Variants in GRID1 observed in about 807,000 individuals in gnomAD.
GRID1 encodes the protein glutamate receptor ionotropic, delta-1.
Under a neutral mutation model 98.0 loss-of-function variants are expected in GRID1, and 28 were observed. The observed-to-expected ratio is 0.29, with a 90% CI of 0.21 to 0.39. The LOEUF (loss-of-function observed/expected upper bound fraction) is 0.39, where lower values mean the gene tolerates loss of function less well. Among genes scored for constraint, GRID1 ranks in the 10% least tolerant of loss-of-function variants. The pLI is 1.00. For synonymous variants in GRID1, 553 were observed against 538.5 expected (o/e 1.03, Z -0.37); for missense variants, 1,111 against 1,340.5 (o/e 0.83, Z 2.67).
At chr10:86,356,016 C>G (rs1848529580) in intron 2 of GRID1, among the ~76,000 whole-genome samples, 1 of 152,212 alleles carries the variant, frequency 6.6e-6, no homozygotes, top group South Asian at 2.1e-4. Flanking sequence ...CTGTCGGTGG[C>G]TGGGCAGAGA....
chr10:86,235,749 T>C (rs1027088117), intron 2 of GRID1, among the ~76,000 whole-genome samples: 1 of 152,258 alleles, frequency 6.6e-6, no homozygotes, highest in African/African-American at 2.4e-5. Flanking sequence ...CTGAGTAGTA[T>C]TCCACTGAAT....
intron 4 of GRID1, among the ~76,000 whole-genome samples, chr10:85,991,486 G>C (rs768380179): frequency 5.9e-5 from 9 of 152,092 alleles, no homozygotes; most frequent in Admixed American, 2.0e-4. Flanking sequence ...CACCAAGAAA[G>C]GAGGGAAGAG....
At chr10:86,274,052 T>C (rs1216320861) in intron 2 of GRID1, among the ~76,000 whole-genome samples, 2 of 152,202 alleles carry the variant, frequency 1.3e-5, no homozygotes, top group Non-Finnish European at 2.9e-5. Context: ...GTAGGTCTAA[T>C]GTTTAAGTAT....
intron 4 of GRID1, among the ~76,000 whole-genome samples, chr10:85,929,031 T>C (rs779520326): frequency 2.0e-5 from 3 of 152,332 alleles, no homozygotes; most frequent in East Asian, 1.9e-4. Flanking sequence ...GGGAGATAGA[T>C]AGACAAGACT....
rs539330152 is a variant in GRID1, at chr10:86,254,933, G to A, written c.236-48285C>T. ...GGGGAAAACCTCCAGGACTCAGGAA[G>A]CACAGATAAGGACCAGCCCCTGGAG... is the stretch of plus-strand genomic sequence containing the variant. On this transcript the variant is annotated intron_variant, in intron 2 of 15. Coordinates refer to ENST00000327946, the MANE Select transcript of GRID1 (RefSeq NM_017551.3). Among the ~76,000 whole-genome samples the A allele has an allele frequency of 1.9e-4, 29 of 152,346 alleles. No homozygotes were observed. The South Asian group carries it at 5.4e-3, about 28-fold the overall frequency.
At chr10:86,196,926 G>A (rs1465282734) in intron 3 of GRID1, among the ~76,000 whole-genome samples, 1 of 151,780 alleles carries the variant, frequency 6.6e-6, no homozygotes, top group Non-Finnish European at 1.5e-5. Context: ...GCCAATAAAT[G>A]GGCAATGAAA....
At chr10:85,744,298 T>C (rs1178395453) in intron 8 of GRID1, among the ~76,000 whole-genome samples, 1 of 152,182 alleles carries the variant, frequency 6.6e-6, no homozygotes, top group African/African-American at 2.4e-5. Flanking sequence ...AAGAAGAGAC[T>C]GTCAGAAATA....
intron 8 of GRID1, among the ~76,000 whole-genome samples, chr10:85,791,129 C>T (rs1338195300): frequency 1.3e-5 from 2 of 152,294 alleles, no homozygotes; most frequent in Non-Finnish European, 2.9e-5. Context: ...AGCTCAGGTC[C>T]GAGCAGAACA....
intron 12 of GRID1, 137 bp downstream of exon 12, chr10:85,722,866 T>G: frequency 2.1e-6 from 1 of 482,916 alleles, no homozygotes; most frequent in Non-Finnish European, 3.5e-6. Context: ...CTCTTCTCCA[T>G]GCACTAAAGA....
intron 8 of GRID1, among the ~76,000 whole-genome samples, chr10:85,808,045 G>A (rs1045336349): frequency 5.3e-5 from 8 of 152,014 alleles, no homozygotes; most frequent in Admixed American, 1.3e-4. Flanking sequence ...GAAATGGCAT[G>A]AATAAATATA....
intron 4 of GRID1, among the ~76,000 whole-genome samples, chr10:85,973,878 C>T (rs577200727): frequency 6.6e-6 from 1 of 152,240 alleles, no homozygotes; most frequent in Non-Finnish European, 1.5e-5. Context: ...GATTTGAATC[C>T]CAGCCCAGCT....
At chr10:85,899,203 A>G (rs74315893) in intron 5 of GRID1, among the ~76,000 whole-genome samples, 12,529 of 152,262 alleles carry the variant, frequency 0.082, 589 homozygotes, top group Middle Eastern at 0.15. Context: ...TTGACTTAAC[A>G]TAGTGTCCTC....
At chr10:86,101,858 G>A (rs902586282) in intron 4 of GRID1, among the ~76,000 whole-genome samples, 31 of 151,848 alleles carry the variant, frequency 2.0e-4, no homozygotes, top group African/African-American at 7.2e-4. Context: ...CTCATTATGG[G>A]GCTCAGGCTG....
At position 86,340,598 on chromosome 10, in the gene GRID1, G is replaced by A. The variant is rs143771714; in HGVS notation, c.235+23343C>T. On this transcript the variant is annotated intron_variant, in intron 2 of 15. Coordinates refer to ENST00000327946, the MANE Select transcript of GRID1 (RefSeq NM_017551.3). ...ATACTCCAGGGGCACAGGGGCCTCC[G>A]GGGGAGTAAGGCAGGGGAGGGGAGT... 5.4e-3 allele frequency among the ~76,000 whole-genome samples: 819 copies of A among 152,268 alleles called. 6 individuals are homozygous for A. The highest frequency in any genetic ancestry group is 0.018 in the African/African-American group (763 of 41,532).
chr10:85,739,498 T>C (rs993689834), intron 8 of GRID1, among the ~76,000 whole-genome samples: 4 of 152,214 alleles, frequency 2.6e-5, no homozygotes, highest in South Asian at 2.1e-4. Context: ...GGTGGGAGGA[T>C]CACTTGAGCC....
intron 2 of GRID1, among the ~76,000 whole-genome samples, chr10:86,300,800 CA>C (rs1167245279): frequency 2.0e-5 from 3 of 152,134 alleles, no homozygotes; most frequent in Non-Finnish European, 2.9e-5. Flanking sequence ...CACCCTGATG[CA>C]GCCAGCCACT....
intron 15 of GRID1, chr10:85,606,420 G>A (rs1207851376): frequency 6.6e-6 from 1 of 152,124 alleles, no homozygotes; most frequent in Non-Finnish European, 1.5e-5. Context: ...CCAACACGAG[G>A]ACAAACCCTA....
intron 5 of GRID1, among the ~76,000 whole-genome samples, chr10:85,902,666 C>G (rs971331227): frequency 6.6e-6 from 1 of 152,104 alleles, no homozygotes; most frequent in Non-Finnish European, 1.5e-5. Flanking sequence ...TTCTTAAATT[C>G]GAAGTCACTC....
intron 2 of GRID1, among the ~76,000 whole-genome samples, chr10:86,255,089 G>C (rs1011768033): frequency 2.0e-5 from 3 of 152,216 alleles, no homozygotes; most frequent in African/African-American, 7.2e-5. Context: ...TGCTCCATGG[G>C]CTCCCCACCC....
Sources: allele counts gnomAD v4.1 joint callset (sites outside exome capture counted in the v4.1 genomes callset), GRCh38; gene constraint gnomAD v4.1.1; transcripts MANE v1.5; gene names NCBI Gene and HGNC (gene_info 2026-07-23, HGNC 2026-07-21).